Variants in SCOC observed in about 807,000 individuals in gnomAD.
SCOC encodes the protein short coiled coil protein.
SCOC carries 7 observed loss-of-function variants against 9.9 expected under a neutral mutation model. The ratio of observed to expected loss-of-function variants is 0.71; its 90% CI spans 0.40 to 1.33. The LOEUF is 1.33. SCOC is among the 40% of genes most tolerant of loss of function. The pLI, the probability that SCOC is intolerant of heterozygous loss-of-function variation, is 0.01. For missense variants in SCOC, 66 were observed against 89.7 expected (o/e 0.74, Z 1.07); for synonymous variants, 19 against 28.2 (o/e 0.67, Z 1.03).
At chr4:140,267,079 A>G (rs989438228) in intron 1 of SCOC, among the ~76,000 whole-genome samples, 1 of 152,186 alleles carries the variant, frequency 6.6e-6, no homozygotes, top group African/African-American at 2.4e-5. Context: ...GTGGTGAGAA[A>G]GAAGGTTATT....
intron 1 of SCOC, among the ~76,000 whole-genome samples, chr4:140,310,581 C>T (rs914477615): frequency 7.2e-5 from 11 of 152,192 alleles, no homozygotes; most frequent in Non-Finnish European, 1.3e-4. Context: ...CCTTCTCCCT[C>T]GTGCATTCCT....
chr4:140,297,124 AAAT>A (rs1289691939), intron 1 of SCOC, among the ~76,000 whole-genome samples: 1 of 152,178 alleles, frequency 6.6e-6, no homozygotes, highest in Non-Finnish European at 1.5e-5. Context: ...TTCTCCCATG[AAAT>A]AATGTTTACT....
intron 1 of SCOC, among the ~76,000 whole-genome samples, chr4:140,295,569 G>C (rs147854444): frequency 3.3e-5 from 5 of 152,328 alleles, no homozygotes; most frequent in African/African-American, 1.2e-4. Context: ...AGAGAAGTGA[G>C]ACGGCGTGGC....
chr4:140,268,444 T>A (rs7686704), intron 1 of SCOC, among the ~76,000 whole-genome samples: 5,657 of 152,278 alleles, frequency 0.037, 363 homozygotes, highest in African/African-American at 0.13. Flanking sequence ...ATAAAAGTGA[T>A]GAAAACAAAG....
chr4:140,304,210 C>G (rs1386331304), intron 1 of SCOC, among the ~76,000 whole-genome samples: 1 of 152,122 alleles, frequency 6.6e-6, no homozygotes, highest in Non-Finnish European at 1.5e-5. Flanking sequence ...GCATGGATAA[C>G]TACAAGACAC....
intron 1 of SCOC, among the ~76,000 whole-genome samples, chr4:140,321,040 T>C (rs1732486139): frequency 6.6e-6 from 1 of 152,080 alleles, no homozygotes; most frequent in South Asian, 2.1e-4. Flanking sequence ...CTCCGGAGGA[T>C]AGTGCAAAGG....
rs146966355 is a variant in SCOC, at chr4:140,348,575, T to TACACACAC, written c.70+4869_70+4870insACACACAC. ...ATGTGTGTATATATATGTATATATA[T>TACACACAC]ACGCACACACACACACATCACATTT... On this transcript the variant is annotated intron_variant, in intron 2 of 4. Transcript: ENST00000338517. 8.6e-5 allele frequency among the ~76,000 whole-genome samples: 13 copies of TACACACAC among 151,080 alleles called. No individual in the cohort carries two copies. In the South Asian group the frequency reaches 1.0e-3, roughly 12 times the overall value.
chr4:140,345,131 A>C (rs1319193749), intron 2 of SCOC, among the ~76,000 whole-genome samples: 2 of 152,088 alleles, frequency 1.3e-5, no homozygotes, highest in African/African-American at 2.4e-5. Flanking sequence ...GCTGCATAGG[A>C]GCTGCTTGCT....
chr4:140,257,688 AT>A (rs898066984), intron 1 of SCOC, among the ~76,000 whole-genome samples: 4 of 152,158 alleles, frequency 2.6e-5, no homozygotes, highest in African/African-American at 9.7e-5. Flanking sequence ...TCATAAGTTC[AT>A]TGTGAAGATT....
chr4:140,328,163 C>T (rs1299558739), intron 1 of SCOC, among the ~76,000 whole-genome samples: 1 of 152,202 alleles, frequency 6.6e-6, no homozygotes, highest in Non-Finnish European at 1.5e-5. Flanking sequence ...ATCATGTTAG[C>T]TCTTCTTACT....
chr4:140,302,606 A>C (rs1247528793), intron 1 of SCOC, among the ~76,000 whole-genome samples: 1 of 152,236 alleles, frequency 6.6e-6, no homozygotes, highest in Non-Finnish European at 1.5e-5. Context: ...TACTATTTCT[A>C]GTCCTGAAGT....
In SCOC at chr4:140,325,543, T is replaced by C. The variant is rs569264799; in HGVS notation, c.-18-18078T>C. 3.8e-4 allele frequency among the ~76,000 whole-genome samples: 58 copies of C among 152,290 alleles called. 1 individual carries two copies. In the South Asian group the frequency reaches 0.012, roughly 32 times the overall value. ...AACGGGCAAAATATCTGAACAGATA[T>C]TTCTTTAAGAAGATATCAATAGCAA... On this transcript the variant is annotated intron_variant, in intron 1 of 4. Transcript: ENST00000394205.
chr4:140,364,563 T>C (rs1727707105), intron 2 of SCOC, among the ~76,000 whole-genome samples: 1 of 152,200 alleles, frequency 6.6e-6, no homozygotes, highest in African/African-American at 2.4e-5. Context: ...CTATACTGTT[T>C]TGTGCAAATG....
chr4:140,371,950 C>T (rs1447182593), upstream of SCOC, among the ~76,000 whole-genome samples: 2 of 152,204 alleles, frequency 1.3e-5, no homozygotes, highest in African/African-American at 2.4e-5. Context: ...AAAGGAAGTT[C>T]TGCAATATGC....
chr4:140,373,219 C>G, upstream of SCOC: 1 of 1,111,240 alleles, frequency 9.0e-7, no homozygotes, highest in Non-Finnish European at 1.1e-6. Context: ...TTCGCAAACG[C>G]TCTTTTCTCG....
chr4:140,311,953 A>G (rs1049199817), intron 1 of SCOC, among the ~76,000 whole-genome samples: 2 of 152,222 alleles, frequency 1.3e-5, no homozygotes, highest in African/African-American at 4.8e-5. Context: ...TGTCAATGGG[A>G]AAGTATGCCG....
intron 1 of SCOC, among the ~76,000 whole-genome samples, chr4:140,331,338 T>C (rs1732810841): frequency 6.6e-6 from 1 of 152,200 alleles, no homozygotes; most frequent in Non-Finnish European, 1.5e-5. Context: ...TCCACCCTGC[T>C]GGAAAAGAGT....
At chr4:140,292,794 G>A (rs1318800342) in intron 1 of SCOC, among the ~76,000 whole-genome samples, 1 of 152,078 alleles carries the variant, frequency 6.6e-6, no homozygotes, top group East Asian at 1.9e-4. Context: ...AAAGCCCTTG[G>A]GACCATCCAC....
chr4:140,368,876 A>T (rs1727921397), upstream of SCOC, among the ~76,000 whole-genome samples: 1 of 152,226 alleles, frequency 6.6e-6, no homozygotes, highest in African/African-American at 2.4e-5. Context: ...AGCTTCTTGC[A>T]TGACTCAGCT....
Sources: gnomAD v4.1 joint callset for allele counts (sites outside exome capture counted in the v4.1 genomes callset) on GRCh38, gnomAD v4.1.1 for gene constraint, MANE v1.5 for transcripts, NCBI Gene and HGNC (gene_info 2026-07-23, HGNC 2026-07-21) for gene names.